The following TUB variants were observed in gnomAD, a reference collection of about 807,000 sequenced individuals.
TUB encodes the protein TUB bipartite transcription factor, also known as tubby protein homolog.
TUB carries 33 observed loss-of-function variants against 59.7 expected under a neutral mutation model. That is an observed-to-expected ratio of 0.55 (90% CI 0.42 to 0.74). TUB has a LOEUF of 0.74. Among genes scored for constraint, TUB ranks in the 30% least tolerant of loss-of-function variants. TUB has a pLI of 0.00. For missense variants in TUB, 659 were observed against 672.0 expected (o/e 0.98, Z 0.21); for synonymous variants, 293 against 256.4 (o/e 1.14, Z -1.36).
At chr11:8,036,224 A>T (rs1330834853), upstream of TUB, among the ~76,000 whole-genome samples, 1 of 151,816 alleles carries the variant, frequency 6.6e-6, no homozygotes, top group Non-Finnish European at 1.5e-5. Flanking sequence ...GTCTCAGGGG[A>T]CATGTATCAG....
chr11:8,101,842 A>T lies in TUB; in HGVS notation c.*223A>T. Reference sequence around the variant, plus strand: ...GGTGGGTGGGTGTGAAGGGATGAGAATAATTCTTTCCATGCCACGAGATCA... The same window carrying T: ...GGTGGGTGGGTGTGAAGGGATGAGATTAATTCTTTCCATGCCACGAGATCA... On this transcript the variant is annotated 3_prime_UTR_variant, in exon 12 of 12. Coordinates refer to ENST00000299506, the MANE Select transcript of TUB (RefSeq NM_177972.3). The T allele has an allele frequency of 6.4e-6, 3 of 470,312 alleles. No individual in the cohort carries two copies. The highest frequency in any genetic ancestry group is 9.8e-6 in the Non-Finnish European group (3 of 307,116). The allele number at this position is 470,312 out of a possible 1,614,324, so 29.1% of individuals were successfully genotyped here.
At chr11:8,094,710 A>G (rs1943907838) in intron 4 of TUB, among the ~76,000 whole-genome samples, 1 of 152,140 alleles carries the variant, frequency 6.6e-6, no homozygotes, top group Admixed American at 6.5e-5. Context: ...AAAGACCCCT[A>G]AAGATTAAGG....
upstream of TUB, among the ~76,000 whole-genome samples, chr11:8,078,388 G>A (rs1003235564): frequency 6.6e-6 from 1 of 152,082 alleles, no homozygotes; most frequent in Admixed American, 6.6e-5. Flanking sequence ...CTTGTTCCTG[G>A]GGCTAAATTT....
chr11:8,094,677 C>T (rs1943905795), intron 4 of TUB, among the ~76,000 whole-genome samples: 1 of 152,226 alleles, frequency 6.6e-6, no homozygotes, highest in Non-Finnish European at 1.5e-5. Context: ...CCAGCCTGTT[C>T]CCTCTGCTCC....
chr11:8,046,678 C>G (rs926193824), intron 2 of TUB, among the ~76,000 whole-genome samples: 2 of 151,716 alleles, frequency 1.3e-5, no homozygotes, highest in South Asian at 2.1e-4. Flanking sequence ...TATATAGCAG[C>G]CTGCAAACTG....
chr11:8,052,084 T>C (rs74052194), intron 2 of TUB, among the ~76,000 whole-genome samples: 3,057 of 152,372 alleles, frequency 0.02, 105 homozygotes, highest in African/African-American at 0.071. Context: ...AGATGATTTA[T>C]TGGAGATTCA....
chr11:8,053,157 T>C (rs1246204108), intron 2 of TUB, among the ~76,000 whole-genome samples: 2 of 152,222 alleles, frequency 1.3e-5, no homozygotes, highest in Admixed American at 6.5e-5. Context: ...CATTTATCAT[T>C]AGGCTTATTA....
At chr11:8,022,102 G>C (rs1540857) in intron 1 of TUB, among the ~76,000 whole-genome samples, 49,667 of 151,920 alleles carry the variant, frequency 0.33, 8,648 homozygotes, top group East Asian at 0.53. Context: ...TCCAGGGGTA[G>C]GACCTGGGCT....
At chr11:8,020,004 C>T (rs1290911804) in intron 1 of TUB, among the ~76,000 whole-genome samples, 1 of 152,192 alleles carries the variant, frequency 6.6e-6, no homozygotes, top group Non-Finnish European at 1.5e-5. Context: ...GCGCTCCCCA[C>T]GCACTCGTCC....
intron 1 of TUB, among the ~76,000 whole-genome samples, chr11:8,083,521 CT>C (rs1280982059): frequency 3.9e-5 from 6 of 152,144 alleles, no homozygotes; most frequent in African/African-American, 1.4e-4. Context: ...GGAAATGATC[CT>C]GTTCTAGCAA....
intron 2 of TUB, among the ~76,000 whole-genome samples, chr11:8,042,816 T>C (rs752651427): frequency 2.4e-4 from 36 of 152,304 alleles, no homozygotes; most frequent in Non-Finnish European, 4.6e-4. Flanking sequence ...GTTGAAGCAT[T>C]CTTTATATAT....
chr11:8,021,788 C>T (rs1227645340), intron 1 of TUB, among the ~76,000 whole-genome samples: 2 of 151,706 alleles, frequency 1.3e-5, no homozygotes, highest in Non-Finnish European at 2.9e-5. Context: ...TGGTGTCGGG[C>T]GCCTGTAGTC....
chr11:8,057,473 C>G (rs988860373), intron 2 of TUB, among the ~76,000 whole-genome samples: 3 of 152,202 alleles, frequency 2.0e-5, no homozygotes, highest in African/African-American at 4.8e-5. Flanking sequence ...ATCTTCTAAA[C>G]TATATGTCTA....
chr11:8,023,298 AAAC>A (rs1942456774), intron 1 of TUB, among the ~76,000 whole-genome samples: 3 of 152,188 alleles, frequency 2.0e-5, no homozygotes, highest in African/African-American at 7.2e-5. Context: ...AGGGGTGGGG[AAAC>A]AGGCCTTACC....
chr11:8,033,721 G>A (rs11041718), upstream of TUB, among the ~76,000 whole-genome samples: 64,203 of 152,202 alleles, frequency 0.42, 15,334 homozygotes, highest in Middle Eastern at 0.58. Context: ...TGTGTAAACA[G>A]CAGAGTGCTG....
chr11:8,095,282 T>TG (rs1943936745), intron 4 of TUB, among the ~76,000 whole-genome samples: 1 of 152,192 alleles, frequency 6.6e-6, no homozygotes, highest in Non-Finnish European at 1.5e-5. Context: ...GCAATTAATT[T>TG]GGGGGAAGAG....
intron 2 of TUB, among the ~76,000 whole-genome samples, chr11:8,071,167 G>A (rs930733610): frequency 3.3e-5 from 5 of 152,096 alleles, no homozygotes; most frequent in South Asian, 2.1e-4. Flanking sequence ...ACCCACTTAC[G>A]GAGTGCATCC....
chr11:8,089,418 G>C (rs1943729309), intron 1 of TUB, among the ~76,000 whole-genome samples, 192 bp from the exon 2 acceptor site: 1 of 152,230 alleles, frequency 6.6e-6, no homozygotes, highest in African/African-American at 2.4e-5. Context: ...GTGGCAGCTC[G>C]AGCCCTTTTG....
chr11:8,095,420 C>A, intron 4 of TUB, 78 bp from the exon 5 acceptor site: 1 of 1,464,332 alleles, frequency 6.8e-7, no homozygotes, highest in Non-Finnish European at 9.2e-7. Context: ...CTTCCCTCAT[C>A]CCCTTCATGG....
Sources: allele counts gnomAD v4.1 joint callset (sites outside exome capture counted in the v4.1 genomes callset), GRCh38; gene constraint gnomAD v4.1.1; transcripts MANE v1.5; gene names NCBI Gene and HGNC (gene_info 2026-07-23, HGNC 2026-07-21).